The following FHIT variants were observed in gnomAD, a reference collection of about 807,000 sequenced individuals.
FHIT encodes the protein bis(5'-adenosyl)-triphosphatase.
FHIT carries 19 observed loss-of-function variants against 17.9 expected under a neutral mutation model. The ratio of observed to expected loss-of-function variants is 1.06; its 90% CI spans 0.74 to 1.56. FHIT has a LOEUF of 1.56. Among genes scored for constraint, FHIT ranks in the 40% most tolerant of loss-of-function variants. The pLI, the probability that FHIT is intolerant of heterozygous loss-of-function variation, is 0.00. For synonymous variants in FHIT, 81 were observed against 69.7 expected (o/e 1.16, Z -0.81); for missense variants, 248 against 189.2 (o/e 1.31, Z -1.82).
At chr3:60,514,652 A>C (rs10470624) in intron 5 of FHIT, among the ~76,000 whole-genome samples, 23,993 of 152,122 alleles carry the variant, frequency 0.16, 2,214 homozygotes, top group Middle Eastern at 0.25. Flanking sequence ...TAAAGTTTTA[A>C]AAGATAATAA....
At chr3:61,162,567 T>C (rs2037727798) in intron 2 of FHIT, among the ~76,000 whole-genome samples, 1 of 152,184 alleles carries the variant, frequency 6.6e-6, no homozygotes, top group African/African-American at 2.4e-5. Flanking sequence ...CTCTAAACCA[T>C]AAACATATAT....
chr3:60,815,086 T>G (rs1238334126), intron 4 of FHIT, among the ~76,000 whole-genome samples: 1 of 152,032 alleles, frequency 6.6e-6, no homozygotes, highest in Non-Finnish European at 1.5e-5. Context: ...CATTTTTTAA[T>G]GGGGTTGGTT....
At chr3:59,979,068 T>C (rs1009708977) in intron 7 of FHIT, among the ~76,000 whole-genome samples, 4 of 152,132 alleles carry the variant, frequency 2.6e-5, no homozygotes, top group African/African-American at 9.7e-5. Flanking sequence ...TAGGGTGCTA[T>C]TCTTTCTGAC....
intron 1 of FHIT, among the ~76,000 whole-genome samples, chr3:61,234,089 G>C (rs527577040): frequency 6.6e-6 from 1 of 152,300 alleles, no homozygotes; most frequent in African/African-American, 2.4e-5. Context: ...AGCAGAAACT[G>C]AAGACTGATG....
intron 7 of FHIT, among the ~76,000 whole-genome samples, chr3:59,950,553 G>C (rs112257179): frequency 5.0e-5 from 4 of 79,724 alleles, no homozygotes; most frequent in Non-Finnish European, 8.0e-5. Flanking sequence ...AAAACTGTTT[G>C]TTTACTTGTT....
intron 4 of FHIT, among the ~76,000 whole-genome samples, chr3:60,569,747 A>T (rs1273579886): frequency 3.4e-4 from 21 of 61,210 alleles, no homozygotes; most frequent in African/African-American, 4.3e-4. Context: ...ATATATATAT[A>T]TATATATATT....
intron 2 of FHIT, among the ~76,000 whole-genome samples, chr3:61,187,401 C>A (rs1049540697): frequency 6.6e-6 from 1 of 152,066 alleles, no homozygotes; most frequent in Non-Finnish European, 1.5e-5. Flanking sequence ...TATATATGCA[C>A]CCAATACAGG....
intron 8 of FHIT, among the ~76,000 whole-genome samples, chr3:59,778,419 T>C (rs772672069): frequency 1.3e-5 from 2 of 152,188 alleles, no homozygotes; most frequent in African/African-American, 2.4e-5. Context: ...CCTGGCCTCA[T>C]AGAGCTTGTA....
chr3:60,317,635 G>A (rs9311760), intron 5 of FHIT, among the ~76,000 whole-genome samples: 3,854 of 134,386 alleles, frequency 0.029, 134 homozygotes, highest in African/African-American at 0.084. Context: ...GTGTGTGTGT[G>A]TATATATATA....
chr3:61,113,194 G>A (rs147917763), intron 2 of FHIT, among the ~76,000 whole-genome samples: 1 of 151,840 alleles, frequency 6.6e-6, no homozygotes, highest in Non-Finnish European at 1.5e-5. Flanking sequence ...AATTTTTGTA[G>A]AGATGGGGTC....
intron 2 of FHIT, among the ~76,000 whole-genome samples, chr3:61,155,607 G>C (rs542760805): frequency 1.3e-5 from 2 of 151,632 alleles, no homozygotes; most frequent in African/African-American, 4.8e-5. Flanking sequence ...TTTCTTCTTC[G>C]TTGAAATATT....
At chr3:61,206,856 T>G (rs1560073473) in intron 1 of FHIT, among the ~76,000 whole-genome samples, 1 of 152,188 alleles carries the variant, frequency 6.6e-6, no homozygotes, top group Non-Finnish European at 1.5e-5. Context: ...CAACACTATA[T>G]TGAATAGGAG....
At chr3:60,488,074 T>C (rs551114217) in intron 5 of FHIT, among the ~76,000 whole-genome samples, 1 of 152,162 alleles carries the variant, frequency 6.6e-6, no homozygotes, top group Admixed American at 6.5e-5. Flanking sequence ...AAAAAGAAAA[T>C]CCTGACAAGG....
In FHIT at chr3:60,260,085, C is replaced by T. The variant is rs115813328; in HGVS notation, c.104-245933G>A. Among the ~76,000 whole-genome samples the T allele has an allele frequency of 6.6e-3, 1,002 of 152,120 alleles. 15 individuals carry two copies. The highest frequency in any genetic ancestry group is 8.3e-3 in the Non-Finnish European group (561 of 67,974). On this transcript the variant is annotated intron_variant, in intron 5 of 9. Transcript: ENST00000492590. The stretch of plus-strand genomic sequence containing the variant: ...GATTTGCTTTAAGGCAATATTTAAA[C>T]GCCAGTGAACACTCAGGTCTGAATT...
intron 5 of FHIT, among the ~76,000 whole-genome samples, chr3:60,471,823 C>A (rs2033102931): frequency 1.3e-5 from 2 of 152,090 alleles, no homozygotes; most frequent in Admixed American, 1.3e-4. Context: ...ACCCCTCTCA[C>A]ATTCTTGAAA....
chr3:61,140,684 A>G (rs922613208), intron 2 of FHIT, among the ~76,000 whole-genome samples: 2 of 152,166 alleles, frequency 1.3e-5, no homozygotes, highest in African/African-American at 2.4e-5. Flanking sequence ...CCTTATATCT[A>G]GAAGAACGTC....
At chr3:60,131,780 G>A (rs895438082) in intron 5 of FHIT, among the ~76,000 whole-genome samples, 11 of 152,052 alleles carry the variant, frequency 7.2e-5, no homozygotes, top group Non-Finnish European at 1.5e-4. Context: ...CTACCTGGTA[G>A]CCTCTGCCCT....
At chr3:60,357,885 A>G (rs1399952058) in intron 5 of FHIT, among the ~76,000 whole-genome samples, 1 of 152,174 alleles carries the variant, frequency 6.6e-6, no homozygotes, top group African/African-American at 2.4e-5. Flanking sequence ...CTTCTCCATC[A>G]TACTGGCTCA....
At chr3:60,462,998 C>T (rs1222935548) in intron 5 of FHIT, among the ~76,000 whole-genome samples, 1 of 152,184 alleles carries the variant, frequency 6.6e-6, no homozygotes, top group Non-Finnish European at 1.5e-5. Flanking sequence ...GGAGCAGCTG[C>T]TCCAGCTAAT....
Sources: allele counts gnomAD v4.1 joint callset (sites outside exome capture counted in the v4.1 genomes callset), GRCh38; gene constraint gnomAD v4.1.1; transcripts MANE v1.5; gene names NCBI Gene and HGNC (gene_info 2026-07-23, HGNC 2026-07-21).